The following ACSM4 variants were observed in gnomAD, a reference collection of about 807,000 sequenced individuals.
ACSM4 encodes acyl-coenzyme A synthetase ACSM4, mitochondrial.
In ACSM4, 66 loss-of-function variants were observed where a neutral mutation model predicts 73.0. The ratio of observed to expected loss-of-function variants is 0.90; its 90% CI spans 0.74 to 1.11. The LOEUF is 1.11. ACSM4 is among the 50% of genes least tolerant of loss of function. The pLI, the probability that ACSM4 is intolerant of heterozygous loss-of-function variation, is 0.00. For synonymous variants in ACSM4, 222 were observed against 254.0 expected, an observed-to-expected ratio of 0.87 and a Z score of 1.20; for missense variants, 645 against 714.4, an observed-to-expected ratio of 0.90 and a Z score of 1.11.
At chr12:7,306,318 A>G (rs1039165616) in intron 1 of ACSM4, among the ~76,000 whole-genome samples, 2 of 152,188 alleles carry the variant, frequency 1.3e-5, no homozygotes, top group Non-Finnish European at 2.9e-5. Context: ...TCAAATGCCC[A>G]CCTACTGCTC....
rs944861739 is a variant in ACSM4, at chr12:7,312,949, A to C, written c.620+2203A>C. 3.3e-5 allele frequency among the ~76,000 whole-genome samples: 5 copies of C among 152,160 alleles called. No homozygotes were observed. The East Asian group carries it at 7.7e-4, about 23-fold the overall frequency. On this transcript the variant is annotated intron_variant, in intron 3 of 12. Coordinates refer to ENST00000399422, the MANE Select transcript of ACSM4 (RefSeq NM_001080454.2). ...CCCCCAATACATGCATTTATTTGTAAATTATATACATGTACTTTTGTGCAT... is the reference window on the plus strand; with the variant it reads ...CCCCCAATACATGCATTTATTTGTACATTATATACATGTACTTTTGTGCAT...
rs182002445 is a variant in ACSM4 at position 7,322,567 on chromosome 12, A to G, written c.1125+26A>G. 19 of 1,599,970 alleles carry G rather than the reference A, an allele frequency of 1.2e-5. No individual in the cohort carries two copies. The African/African-American group carries it at 2.5e-4, about 21-fold the overall frequency. On this transcript the variant is annotated intron_variant, in intron 7 of 12. Transcript: ENST00000399422. ...GTATATCTAAAGGGCATTTATGTTT[A>G]GTATATGTGGGGGCCTTTCTGCCCC... is the stretch of plus-strand genomic sequence containing the variant.
At chr12:7,317,111 G>T (rs763613176) in intron 3 of ACSM4, 26 bp from the exon 4 acceptor site, 15 of 1,592,952 alleles carry the variant, frequency 9.4e-6, no homozygotes, top group Non-Finnish European at 1.3e-5. Context: ...ATCTTCCACC[G>T]CCATCTTGGG....
intron 4 of ACSM4, 29 bp downstream of exon 4, chr12:7,317,309 G>A: frequency 6.5e-7 from 1 of 1,536,994 alleles, no homozygotes; most frequent in South Asian, 1.2e-5. Context: ...TTTGTTTTTG[G>A]TGAACTCCCC....
chr12:7,304,564 G>A (rs200314156), intron 1 of ACSM4, 32 bp downstream of exon 1: 4 of 1,588,148 alleles, frequency 2.5e-6, no homozygotes, highest in East Asian at 2.2e-5. Context: ...GTAGATGCTT[G>A]GTGTCCCCTT....
Position 7,323,513 on chromosome 12 carries a change from C to G in ACSM4, c.1261C>G (p.Leu421Val). 6.2e-7 allele frequency: 1 copy of G among 1,613,838 alleles called. No individual in the cohort carries two copies. Among genetic ancestry groups the G allele is most frequent in the Non-Finnish European group, 8.5e-7 (1 of 1,179,826 alleles). Reference protein sequence around the residue: ...LPPGKEGEIALRLKPTRPFCF... With the variant: ...LPPGKEGEIAVRLKPTRPFCF... ...ACCTGGCAAAGAAGGGGAAATTGCC[C>G]TCAGACTCAAACCTACACGGCCCTT... is the stretch of plus-strand genomic sequence containing the variant. Residue 421 changes from leucine (L) to valine (V), a missense_variant, in exon 9 of 13, where the codon CTC becomes GTC. Coordinates refer to ENST00000399422, the MANE Select transcript of ACSM4 (RefSeq NM_001080454.2).
intron 2 of ACSM4, among the ~76,000 whole-genome samples, chr12:7,307,482 C>G (rs1220499344): frequency 6.6e-6 from 1 of 152,036 alleles, no homozygotes; most frequent in Non-Finnish European, 1.5e-5. Flanking sequence ...AAAAAAGATA[C>G]AACAAGAAGA....
intron 3 of ACSM4, among the ~76,000 whole-genome samples, chr12:7,313,138 G>A (rs1174633805): frequency 6.6e-6 from 1 of 152,094 alleles, no homozygotes; most frequent in Non-Finnish European, 1.5e-5. Flanking sequence ...CACACTCCCT[G>A]AGCAGCAAGC....
intron 5 of ACSM4, among the ~76,000 whole-genome samples, chr12:7,320,365 C>T (rs1418725779): frequency 6.6e-6 from 1 of 152,150 alleles, no homozygotes; most frequent in Non-Finnish European, 1.5e-5. Context: ...TCAATACTAT[C>T]CATGAATATA....
rs1365766729 is a variant in ACSM4, at chr12:7,328,355, A to C, written c.1725A>C (p.Gln575His). 6.3e-7 allele frequency: 1 copy of C among 1,591,288 alleles called. No individual in the cohort carries two copies. The highest frequency in any genetic ancestry group is 1.3e-5 in the African/African-American group (1 of 74,636). ...GKIKRNVLRD[Q>H]EWRGR ...TCAAACGCAACGTTTTAAGAGACCA[A>C]GAATGGAGAGGAAGATAGTTTGATA... The change falls in exon 13 of 13, where the codon CAA becomes CAC. Residue 575 changes from glutamine to histidine, a missense_variant. By Grantham distance (24) the Gln-to-His change is conservative. Coordinates refer to ENST00000399422, the MANE Select transcript of ACSM4 (RefSeq NM_001080454.2).
Position 7,324,346 on chromosome 12 carries a change from G to C in ACSM4, c.1382G>C (p.Ser461Thr). 1 of 1,614,140 alleles carries C rather than the reference G, an allele frequency of 6.2e-7. No individual in the cohort carries two copies. The highest frequency in any genetic ancestry group is 1.1e-5 in the South Asian group (1 of 91,078). Residue 461 changes from serine (S) to threonine (T), a missense_variant, in exon 10 of 13, where the codon AGT (serine) becomes ACT (threonine). Ser to Thr is a moderately conservative substitution (Grantham distance 58, BLOSUM62 1). Transcript: ENST00000399422. ...ACTGGAGACAGAGGAGTGATGGACA[G>C]TGATGGGTATTTCTGGTTTGTCGGC... ...YVTGDRGVMD[S>T]DGYFWFVGRA...
Position 7,306,639 on chromosome 12 carries a change from A to G in ACSM4, c.308A>G (p.Asn103Ser), listed in dbSNP as rs781333239. Residue 103 changes from asparagine (N) to serine (S), a missense_variant, in exon 2 of 13, where the codon AAC becomes AGC. Transcript: ENST00000399422. ...ELGSLSRKAA[N>S]VLTKPCGLQR... Reference sequence around the variant, plus strand: ...GGCTCCTTGTCCCGAAAAGCTGCCAACGTGCTCACCAAGCCCTGTGGCCTG... The same window carrying G: ...GGCTCCTTGTCCCGAAAAGCTGCCAGCGTGCTCACCAAGCCCTGTGGCCTG... The G allele has an allele frequency of 1.1e-5, 17 of 1,608,404 alleles. No homozygotes were observed. The Admixed American group carries it at 2.7e-4, about 26-fold the overall frequency.
At chr12:7,314,398 A>AT (rs1346595159) in intron 3 of ACSM4, among the ~76,000 whole-genome samples, 2 of 152,230 alleles carry the variant, frequency 1.3e-5, no homozygotes, top group African/African-American at 4.8e-5. Context: ...CTAGAAAGGC[A>AT]TAACTCGGAA....
intron 12 of ACSM4, 107 bp downstream of exon 12, chr12:7,327,202 G>A (rs1481740608): frequency 2.3e-6 from 3 of 1,300,506 alleles, no homozygotes; most frequent in East Asian, 5.1e-5. Flanking sequence ...TATATAGGTA[G>A]AAGACACTTT....
intron 3 of ACSM4, among the ~76,000 whole-genome samples, chr12:7,312,569 C>T (rs958998041): frequency 1.3e-5 from 2 of 152,134 alleles, no homozygotes; most frequent in African/African-American, 4.8e-5. Flanking sequence ...AAACCAAATA[C>T]TACTGGCCAA....
rs1046440145 is a variant in ACSM4 at position 7,324,626 on chromosome 12, C to T, written c.1536+28C>T. On this transcript the variant is annotated intron_variant, in intron 11 of 12. Coordinates refer to ENST00000399422, the MANE Select transcript of ACSM4 (RefSeq NM_001080454.2). Reference sequence around the variant, plus strand: ...AGATGAATGTCATTTATTAAAGAAGCAACATCATATTTTCAAGTTCTGTCC... The same window carrying T: ...AGATGAATGTCATTTATTAAAGAAGTAACATCATATTTTCAAGTTCTGTCC... 4 of 1,605,132 alleles carry T rather than the reference C, an allele frequency of 2.5e-6. No homozygotes were observed. In the African/African-American group the frequency reaches 4.0e-5, roughly 16 times the overall value.
intron 5 of ACSM4, chr12:7,318,399 T>G (rs1946436903): frequency 1.9e-6 from 1 of 520,042 alleles, no homozygotes; most frequent in Admixed American, 3.6e-5. Flanking sequence ...TCCAGACTTC[T>G]GCTTCAAATA....
rs368493928 is a variant in ACSM4, at chr12:7,306,738, G to A, written c.407G>A (p.Arg136Gln). The A allele has an allele frequency of 1.9e-4, 303 of 1,606,206 alleles. No homozygotes were observed. The highest frequency in any genetic ancestry group is 2.4e-4 in the Non-Finnish European group (282 of 1,177,024). ...TGGCTGGTCAATGTAGCTTGCATAC[G>A]AACAGGTCAGTGCCAATATTAGCAT... ...EWWLVNVACI[R>Q]TGIIFMPGTI... The change falls in exon 2 of 13, where the codon CGA becomes CAA. Residue 136 changes from arginine (R) to glutamine (Q), a missense_variant. Coordinates refer to ENST00000399422, the MANE Select transcript of ACSM4 (RefSeq NM_001080454.2).
chr12:7,323,578 GC>G lies in ACSM4; in HGVS notation c.1308+19del. ...AATATGTGGTATGAGGATAGAAAGT[GC>G]TGGTCATGCTTAATACAGACTTGGG... On this transcript the variant is annotated intron_variant, in intron 9 of 12. Coordinates refer to ENST00000399422, the MANE Select transcript of ACSM4 (RefSeq NM_001080454.2). 1 of 1,597,930 alleles carries G rather than the reference GC, an allele frequency of 6.3e-7. No homozygotes were observed. The highest frequency in any genetic ancestry group is 8.6e-7 in the Non-Finnish European group (1 of 1,165,748).
Sources: gnomAD v4.1 joint callset for allele counts (sites outside exome capture counted in the v4.1 genomes callset) on GRCh38, gnomAD v4.1.1 for gene constraint, MANE v1.5 for transcripts, NCBI Gene and HGNC (gene_info 2026-07-23, HGNC 2026-07-21) for gene names.